KCTD3: variants seen among roughly 807,000 people sequenced by gnomAD.
KCTD3 encodes the protein potassium channel tetramerization domain containing 3, also known as BTB/POZ domain-containing protein KCTD3.
KCTD3 carries 41 observed loss-of-function variants against 85.8 expected under a neutral mutation model. That is an observed-to-expected ratio of 0.48 (90% CI 0.37 to 0.62). KCTD3 has a LOEUF of 0.62. KCTD3 is among the 20% of genes least tolerant of loss of function. The probability of loss-of-function intolerance (pLI) is 0.00; values close to 1 mark genes in which losing one functional copy is unlikely to be tolerated. For missense variants in KCTD3, 724 were observed against 989.9 expected (o/e 0.73, Z 3.60); for synonymous variants, 338 against 345.4 (o/e 0.98, Z 0.24).
intron 15 of KCTD3, among the ~76,000 whole-genome samples, chr1:215,614,726 T>C (rs767204117): frequency 6.6e-6 from 1 of 152,220 alleles, no homozygotes; most frequent in Non-Finnish European, 1.5e-5. Flanking sequence ...TGGCAGAGAC[T>C]GTGGGGTTTT....
At chr1:215,576,712 C>T (rs1240536404) in intron 4 of KCTD3, among the ~76,000 whole-genome samples, 1 of 151,894 alleles carries the variant, frequency 6.6e-6, no homozygotes, top group Non-Finnish European at 1.5e-5. Context: ...GGACTACAGG[C>T]ACCCGCCACC....
At chr1:215,577,614 AGAT>A in intron 4 of KCTD3, 53 bp from the exon 5 acceptor site, 2 of 1,134,534 alleles carry the variant, frequency 1.8e-6, no homozygotes, top group East Asian at 2.3e-5. Flanking sequence ...CTTTCATGTC[AGAT>A]GATAATACAG....
chr1:215,569,223 G>A (rs1269111588), intron 1 of KCTD3, among the ~76,000 whole-genome samples: 1 of 150,630 alleles, frequency 6.6e-6, no homozygotes, highest in Admixed American at 6.6e-5. Context: ...CCAGTTTCAA[G>A]CGATTCTCCT....
At chr1:215,604,611 T>G (rs1571893659) in intron 13 of KCTD3, among the ~76,000 whole-genome samples, 1 of 151,720 alleles carries the variant, frequency 6.6e-6, no homozygotes, top group South Asian at 2.1e-4. Context: ...AAAAAAGATG[T>G]TTTTTATTTT....
At chr1:215,591,162 T>TACCC (rs947951901) in intron 9 of KCTD3, among the ~76,000 whole-genome samples, 7 of 152,286 alleles carry the variant, frequency 4.6e-5, no homozygotes, top group African/African-American at 1.7e-4. Context: ...CTACTCCATC[T>TACCC]ACCCACATAT....
chr1:215,615,654 A>C (rs1655415122), intron 15 of KCTD3, among the ~76,000 whole-genome samples: 1 of 151,688 alleles, frequency 6.6e-6, no homozygotes, highest in Non-Finnish European at 1.5e-5. Context: ...GCATAGGGGG[A>C]AAAAAGTTCA....
intron 10 of KCTD3, among the ~76,000 whole-genome samples, chr1:215,596,956 C>T (rs577456545): frequency 2.7e-4 from 41 of 152,222 alleles, no homozygotes; most frequent in Non-Finnish European, 4.3e-4. Context: ...AGAGACATTT[C>T]TTTCTCTGTG....
chr1:215,599,738 G>A (rs1202485528), intron 10 of KCTD3, among the ~76,000 whole-genome samples: 1 of 152,032 alleles, frequency 6.6e-6, no homozygotes, highest in Non-Finnish European at 1.5e-5. Flanking sequence ...CGTATGGAGG[G>A]GTAGACATGG....
Position 215,601,967 on chromosome 1 carries a change from T to C in KCTD3, c.1021+13T>C. 6.6e-7 allele frequency: 1 copy of C among 1,505,800 alleles called. No individual in the cohort carries two copies. The highest frequency in any genetic ancestry group is 9.2e-7 in the Non-Finnish European group (1 of 1,085,592). 93.3% of individuals were successfully genotyped at this position (1,505,800 alleles called of 1,614,324 possible). A position where few individuals can be genotyped will look rare whatever the true frequency, so the allele number is the denominator to read the frequency against. ...ATATATTACATAGGTAAGTGTTCAG[T>C]CACTTAAAATGCTCCTGCTTAATGT... On this transcript the variant is annotated intron_variant, in intron 11 of 17. Coordinates refer to ENST00000259154, the MANE Select transcript of KCTD3 (RefSeq NM_016121.5).
chr1:215,620,063 G>A lies in KCTD3; in HGVS notation c.1893G>A (p.Gln631=), dbSNP rs2102612113. The A allele has an allele frequency of 6.4e-7, 1 of 1,573,358 alleles. No individual in the cohort carries two copies. The highest frequency in any genetic ancestry group is 1.4e-5 in the African/African-American group (1 of 72,868). ...SHLRESNSSL[Q]LQHHDTTHEA... ...TTTAAAAACTGTATTTCAGCCTTCA[G>A]CTTCAGCACCATGATACCACCCATG... The change falls in exon 18 of 18, where the codon CAG becomes CAA. Residue 631 remains glutamine, a synonymous_variant. Coordinates refer to ENST00000259154, the MANE Select transcript of KCTD3 (RefSeq NM_016121.5).
chr1:215,568,599 T>G lies in KCTD3; in HGVS notation c.83+831T>G, dbSNP rs1455931722. On this transcript the variant is annotated intron_variant, in intron 1 of 17. Transcript: ENST00000259154. ...AGTCACTCCTCTCAGAAAAGGGAGT[T>G]TGCCAGCTGTTTGAAAGAAGGATTA... Among the ~76,000 whole-genome samples the G allele has an allele frequency of 2.0e-5, 3 of 151,016 alleles. No individual in the cohort carries two copies. The South Asian group carries it at 6.3e-4, about 32-fold the overall frequency.
intron 10 of KCTD3, among the ~76,000 whole-genome samples, chr1:215,596,377 A>G (rs1660417267): frequency 6.6e-6 from 1 of 152,144 alleles, no homozygotes; most frequent in Admixed American, 6.6e-5. Flanking sequence ...TTGGGAAAGA[A>G]GAAAGGGTGA....
At chr1:215,586,717 A>G in intron 9 of KCTD3, 32 bp downstream of exon 9, 1 of 1,555,700 alleles carries the variant, frequency 6.4e-7, no homozygotes, top group Non-Finnish European at 8.8e-7. Flanking sequence ...TTGCAATTTG[A>G]TGATATTAAT....
chr1:215,600,888 T>C (rs879806412), intron 10 of KCTD3, among the ~76,000 whole-genome samples: 2 of 152,134 alleles, frequency 1.3e-5, no homozygotes, highest in Non-Finnish European at 2.9e-5. Context: ...TTTTGATGAA[T>C]AGTAGAATAT....
intron 15 of KCTD3, chr1:215,618,214 G>C (rs1481770275): frequency 1.4e-5 from 6 of 431,734 alleles, no homozygotes; most frequent in African/African-American, 1.2e-4. Flanking sequence ...AAATACTTTG[G>C]TTTGTTTATT....
chr1:215,583,755 G>A (rs549409827), intron 8 of KCTD3, among the ~76,000 whole-genome samples: 1 of 152,222 alleles, frequency 6.6e-6, no homozygotes, highest in South Asian at 2.1e-4. Context: ...GTCTGAATAG[G>A]GATGATGGTA....
At chr1:215,608,229 C>A in intron 14 of KCTD3, 57 bp downstream of exon 14, 1 of 1,162,162 alleles carries the variant, frequency 8.6e-7, no homozygotes, top group Non-Finnish European at 1.2e-6. Flanking sequence ...TCAGAAGAAG[C>A]ATATCAACTA....
chr1:215,612,825 TCTTC>T (rs1425317305), intron 15 of KCTD3, among the ~76,000 whole-genome samples: 4 of 152,228 alleles, frequency 2.6e-5, no homozygotes, highest in Middle Eastern at 3.2e-3. Context: ...GTTAATTTCC[TCTTC>T]CTTTTCTATT....
chr1:215,580,278 T>C (rs1184180807), intron 8 of KCTD3, among the ~76,000 whole-genome samples: 1 of 152,194 alleles, frequency 6.6e-6, no homozygotes, highest in African/African-American at 2.4e-5. Flanking sequence ...ATTTATTGCT[T>C]ATACCTAGCT....
Sources: gnomAD v4.1 joint callset for allele counts (sites outside exome capture counted in the v4.1 genomes callset) on GRCh38, gnomAD v4.1.1 for gene constraint, MANE v1.5 for transcripts, NCBI Gene and HGNC (gene_info 2026-07-23, HGNC 2026-07-21) for gene names.